Variants in PLD5 observed in about 807,000 individuals in gnomAD.
The protein encoded by PLD5 is phospholipase D family member 5.
In PLD5, 36 loss-of-function variants were observed where a neutral mutation model predicts 61.1. The ratio of observed to expected loss-of-function variants is 0.59; its 90% CI spans 0.45 to 0.78. The LOEUF (loss-of-function observed/expected upper bound fraction) is 0.78, where lower values mean the gene tolerates loss of function less well. Ranked by LOEUF, PLD5 falls within the 30% of genes least tolerant of loss-of-function variation. PLD5 has a pLI of 0.00. For missense variants in PLD5, 515 were observed against 644.4 expected (o/e 0.80, Z 2.17); for synonymous variants, 243 against 242.8 (o/e 1.00, Z -0.01).
chr1:242,521,968 C>CA (rs5782242), intron 1 of PLD5, among the ~76,000 whole-genome samples: 3 of 151,664 alleles, frequency 2.0e-5, no homozygotes, highest in Admixed American at 1.3e-4. Flanking sequence ...CTCTTGAATT[C>CA]AAAAAAAATT....
intron 1 of PLD5, among the ~76,000 whole-genome samples, chr1:242,350,897 C>CT (rs149135759): frequency 0.35 from 50,036 of 142,740 alleles, 10,210 homozygotes; most frequent in Non-Finnish European, 0.46. Context: ...CTGTTTTATT[C>CT]TTTTTTTTTT....
At chr1:242,320,986 C>T (rs1658359429) in intron 2 of PLD5, among the ~76,000 whole-genome samples, 1 of 152,208 alleles carries the variant, frequency 6.6e-6, no homozygotes, top group African/African-American at 2.4e-5. Context: ...TCTCAAAATT[C>T]CCTCTCATCG....
At chr1:242,103,271 G>A (rs975512854) in intron 8 of PLD5, among the ~76,000 whole-genome samples, 36 of 152,282 alleles carry the variant, frequency 2.4e-4, no homozygotes, top group Admixed American at 2.0e-3. Context: ...GCGCACACCT[G>A]CAGAAAATGG....
chr1:242,273,165 A>G (rs316910), intron 3 of PLD5, among the ~76,000 whole-genome samples: 151,066 of 151,560 alleles, frequency 1, 75,292 homozygotes, highest in Middle Eastern at 1. Flanking sequence ...TTATGAATGA[A>G]AACATGTGGT....
intron 5 of PLD5, among the ~76,000 whole-genome samples, chr1:242,215,046 T>G (rs1423717213): frequency 8.5e-6 from 1 of 118,140 alleles, no homozygotes; most frequent in Admixed American, 8.2e-5. Flanking sequence ...CTGGCCAATT[T>G]TTTTTTTTTT....
intron 1 of PLD5, among the ~76,000 whole-genome samples, chr1:242,382,353 A>G (rs115775175): frequency 0.032 from 4,810 of 152,254 alleles, 100 homozygotes; most frequent in Non-Finnish European, 0.049. Flanking sequence ...ATACACATGA[A>G]AAGTGAGCTT....
chr1:242,100,004 T>A (rs576874320), intron 9 of PLD5, among the ~76,000 whole-genome samples: 2 of 152,164 alleles, frequency 1.3e-5, no homozygotes, highest in Non-Finnish European at 2.9e-5. Context: ...ATTACACCAG[T>A]GTAGAATGAT....
chr1:242,432,234 C>T (rs1300538527), intron 1 of PLD5, among the ~76,000 whole-genome samples: 3 of 152,162 alleles, frequency 2.0e-5, no homozygotes, highest in Non-Finnish European at 4.4e-5. Context: ...TTCACCAAGA[C>T]TCCAGAAACT....
chr1:242,109,153 T>A (rs1423322690), intron 7 of PLD5, among the ~76,000 whole-genome samples: 2 of 152,184 alleles, frequency 1.3e-5, no homozygotes, highest in Non-Finnish European at 2.9e-5. Context: ...CAGTGATCCA[T>A]CTAAAGCAGA....
chr1:242,445,761 C>CT (rs759465537), intron 1 of PLD5, among the ~76,000 whole-genome samples: 40,575 of 129,606 alleles, frequency 0.31, 6,432 homozygotes, highest in Non-Finnish European at 0.37. Context: ...TTATTCACTT[C>CT]TTTTTTTTTT....
intron 1 of PLD5, among the ~76,000 whole-genome samples, chr1:242,494,266 A>G (rs1402325508): frequency 2.0e-5 from 3 of 152,052 alleles, no homozygotes; most frequent in African/African-American, 4.8e-5. Flanking sequence ...CGCAGGCCCT[A>G]TAGAACGCCT....
At chr1:242,344,883 C>A (rs970369080) in intron 2 of PLD5, among the ~76,000 whole-genome samples, 4 of 152,162 alleles carry the variant, frequency 2.6e-5, no homozygotes, top group African/African-American at 9.7e-5. Context: ...TACAGTTCCA[C>A]AGGGCTGAGG....
intron 4 of PLD5, among the ~76,000 whole-genome samples, chr1:242,253,035 T>C (rs1672795417): frequency 1.3e-5 from 2 of 151,536 alleles, no homozygotes; most frequent in Admixed American, 6.6e-5. Flanking sequence ...CAGGCTGGTC[T>C]CAAACTCCTG....
rs12143147 is a variant in PLD5, at chr1:242,083,711, T to G, written c.*6143A>C. ...AGCAGCTAATCTTCACTTTTAACTA[T>G]TAAGTGAAATTGTAGATTACGCTCT... is the stretch of plus-strand genomic sequence containing the variant. On this transcript the variant is annotated 3_prime_UTR_variant, in exon 10 of 10. Transcript: ENST00000536534. 1 of 151,978 alleles carries G rather than the reference T, an allele frequency of 6.6e-6. No individual in the cohort carries two copies. Among genetic ancestry groups the G allele is most frequent in the African/African-American group, 2.4e-5 (1 of 41,338 alleles). 9.4% of individuals were successfully genotyped at this position (151,978 alleles called of 1,614,324 possible).
intron 1 of PLD5, among the ~76,000 whole-genome samples, chr1:242,461,065 C>T (rs958603069): frequency 6.6e-6 from 1 of 152,092 alleles, no homozygotes; most frequent in Non-Finnish European, 1.5e-5. Flanking sequence ...CACTTGAACC[C>T]AGGAGGCAGA....
At chr1:242,285,004 AGAG>A (rs1484411213) in intron 3 of PLD5, among the ~76,000 whole-genome samples, 4 of 152,230 alleles carry the variant, frequency 2.6e-5, no homozygotes, top group Non-Finnish European at 5.9e-5. Context: ...GAGGCAGCTA[AGAG>A]GTGTCTCTTC....
At chr1:242,526,363 G>C (rs1424541782), upstream of PLD5, among the ~76,000 whole-genome samples, 1 of 152,178 alleles carries the variant, frequency 6.6e-6, no homozygotes, top group Non-Finnish European at 1.5e-5. Context: ...GGGCGACAGG[G>C]CAAGACCCTG....
chr1:242,350,462 C>T (rs1660414903), intron 1 of PLD5, among the ~76,000 whole-genome samples: 2 of 143,578 alleles, frequency 1.4e-5, no homozygotes, highest in Non-Finnish European at 3.1e-5. Flanking sequence ...CACACACACA[C>T]ACACACACAC....
At chr1:242,232,742 C>T (rs1558376492) in intron 4 of PLD5, among the ~76,000 whole-genome samples, 1 of 152,194 alleles carries the variant, frequency 6.6e-6, no homozygotes, top group Admixed American at 6.5e-5. Flanking sequence ...ATCCAGGAAG[C>T]TGAGGTAGGA....
Sources: gnomAD v4.1 joint callset for allele counts (sites outside exome capture counted in the v4.1 genomes callset) on GRCh38, gnomAD v4.1.1 for gene constraint, MANE v1.5 for transcripts, NCBI Gene and HGNC (gene_info 2026-07-23, HGNC 2026-07-21) for gene names.